The following EPB41L4B variants were observed in gnomAD, a reference collection of about 807,000 sequenced individuals.
The protein encoded by EPB41L4B is erythrocyte membrane protein band 4.1 like 4B.
In EPB41L4B, 30 loss-of-function variants were observed where a neutral mutation model predicts 112.5. The observed-to-expected ratio is 0.27, with a 90% CI of 0.20 to 0.36. The LOEUF (loss-of-function observed/expected upper bound fraction) is 0.36. Among genes scored for constraint, EPB41L4B ranks in the 10% least tolerant of loss-of-function variants. The probability of loss-of-function intolerance (pLI) is 1.00; values close to 1 mark genes in which losing one functional copy is unlikely to be tolerated. For missense variants in EPB41L4B, 1,024 were observed against 1,133.3 expected (o/e 0.90, Z 1.38); for synonymous variants, 408 against 439.7 (o/e 0.93, Z 0.90).
At chr9:109,225,703 TGGGGTA>T (rs1564278281) in intron 15 of EPB41L4B, among the ~76,000 whole-genome samples, 1 of 152,162 alleles carries the variant, frequency 6.6e-6, no homozygotes, top group Non-Finnish European at 1.5e-5. Context: ...CCTTGATACA[TGGGGTA>T]GGGGTGCCCA....
In EPB41L4B at chr9:109,253,480, T is replaced by G; in HGVS notation, c.1240A>C (p.Ser414Arg). The G allele has an allele frequency of 6.2e-7, 1 of 1,614,056 alleles. No homozygotes were observed. Among genetic ancestry groups the G allele is most frequent in the Non-Finnish European group, 8.5e-7 (1 of 1,179,890 alleles). Residue 414 changes from serine to arginine, a missense_variant, in exon 12 of 26, where the codon AGT becomes CGT. Ser to Arg is a moderately radical substitution (Grantham distance 110). Transcript: ENST00000374566. ...TGTCTCCGGGATGGATAACGTTTACTAGGCTTCCTCTCAAAGGTGCTGGTT... is the reference window on the plus strand; with the variant it reads ...TGTCTCCGGGATGGATAACGTTTACGAGGCTTCCTCTCAAAGGTGCTGGTT... Reference protein sequence around the residue: ...RRTSTFERKPSKRYPSRRHST... With the variant: ...RRTSTFERKPRKRYPSRRHST...
intron 15 of EPB41L4B, among the ~76,000 whole-genome samples, chr9:109,222,423 T>C (rs141971899): frequency 4.9e-4 from 74 of 152,292 alleles, no homozygotes; most frequent in Non-Finnish European, 9.1e-4. Flanking sequence ...GCTTCATGGA[T>C]TGTGCCCTGC....
At position 109,194,341 on chromosome 9, in the gene EPB41L4B, G is replaced by A. The variant is rs1832569257; in HGVS notation, c.2102C>T (p.Thr701Ile). The part of the protein sequence containing the change: ...LAEAVGVTTS[T>I]TTNTTTAATQ... The stretch of plus-strand genomic sequence containing the variant: ...GGCGGCCGTTGTGGTGTTTGTGGTT[G>A]TAGATGTGGTCACTCCCACTGCCTC... Residue 701 changes from threonine to isoleucine, a missense_variant, in exon 21 of 26, where the codon ACA (threonine) becomes ATA (isoleucine). Thr to Ile is a moderately conservative substitution (Grantham distance 89). Transcript: ENST00000374566. 1.2e-6 allele frequency: 2 copies of A among 1,614,084 alleles called. No homozygotes were observed. Among genetic ancestry groups the A allele is most frequent in the Non-Finnish European group, 1.7e-6 (2 of 1,180,052 alleles).
At chr9:109,210,864 C>G (rs1356832484) in intron 17 of EPB41L4B, among the ~76,000 whole-genome samples, 1 of 152,048 alleles carries the variant, frequency 6.6e-6, no homozygotes, top group Non-Finnish European at 1.5e-5. Flanking sequence ...TGGAAAGATA[C>G]TTTGTTGTTC....
intron 15 of EPB41L4B, chr9:109,241,296 C>T: frequency 1.0e-6 from 1 of 1,003,540 alleles, no homozygotes; most frequent in Non-Finnish European, 1.2e-6. Context: ...ACTTCTACGA[C>T]AGGAATATAT....
rs138828846 is a variant in EPB41L4B, at chr9:109,282,947, G to T, written c.307-3026C>A. Among the ~76,000 whole-genome samples, 347 of 152,176 alleles carry T rather than the reference G, an allele frequency of 2.3e-3. 5 individuals are homozygous for T. The highest frequency in any genetic ancestry group is 6.9e-4 in the Non-Finnish European group (47 of 68,008). ...TCCGCCCACCTCGGCGTCCCAAAGT[G>T]CTGGGATTACAGGCGTGAGCCACCG... On this transcript the variant is annotated intron_variant, in intron 1 of 25. Coordinates refer to ENST00000374566, the MANE Select transcript of EPB41L4B (RefSeq NM_019114.5).
At chr9:109,266,672 A>G (rs1223608743) in intron 4 of EPB41L4B, among the ~76,000 whole-genome samples, 1 of 152,180 alleles carries the variant, frequency 6.6e-6, no homozygotes, top group Admixed American at 6.5e-5. Flanking sequence ...CAAACAAAAC[A>G]AAAAAGAAAT....
intron 15 of EPB41L4B, among the ~76,000 whole-genome samples, chr9:109,234,399 T>C (rs1357727865): frequency 6.6e-6 from 1 of 152,198 alleles, no homozygotes; most frequent in African/African-American, 2.4e-5. Context: ...TCCATCAATA[T>C]TGATTGGTTA....
chr9:109,280,461 C>A (rs915707640), intron 1 of EPB41L4B, among the ~76,000 whole-genome samples: 7 of 152,218 alleles, frequency 4.6e-5, no homozygotes, highest in Non-Finnish European at 2.9e-5. Context: ...AAGGTTTTGA[C>A]TATGTGGTAT....
intron 15 of EPB41L4B, among the ~76,000 whole-genome samples, chr9:109,217,430 G>A (rs1169030858): frequency 6.6e-6 from 1 of 152,258 alleles, no homozygotes; most frequent in East Asian, 1.9e-4. Context: ...CTCTAAATGA[G>A]AGGAAGAGGT....
intron 14 of EPB41L4B, among the ~76,000 whole-genome samples, chr9:109,245,178 G>T (rs1475723726): frequency 6.6e-6 from 1 of 152,196 alleles, no homozygotes; most frequent in Non-Finnish European, 1.5e-5. Context: ...GAGTTTAGAT[G>T]ATTTGCCCAG....
At chr9:109,217,338 A>G (rs907961607) in intron 15 of EPB41L4B, among the ~76,000 whole-genome samples, 193 bp from the exon 16 acceptor site, 10 of 152,266 alleles carry the variant, frequency 6.6e-5, no homozygotes, top group Non-Finnish European at 1.0e-4. Flanking sequence ...GTTTGTATAT[A>G]TCAGAGACTT....
At position 109,252,673 on chromosome 9, in the gene EPB41L4B, T is replaced by C. The variant is rs138672870; in HGVS notation, c.1279+768A>G. 5.3e-3 allele frequency among the ~76,000 whole-genome samples: 812 copies of C among 152,222 alleles called. 2 individuals are homozygous for C. Among genetic ancestry groups the C allele is most frequent in the Middle Eastern group, 0.02 (6 of 294 alleles). On this transcript the variant is annotated intron_variant, in intron 12 of 25. Transcript: ENST00000374566. ...GCATGGAGTGGCCACAAGGAAATCA[T>C]GTACAGAAGGGGCCAGGAGGCTGGG...
chr9:109,305,791 C>T (rs1461457664), intron 1 of EPB41L4B, among the ~76,000 whole-genome samples: 1 of 151,810 alleles, frequency 6.6e-6, no homozygotes, highest in African/African-American at 2.4e-5. Context: ...GGCATGGTGA[C>T]CCAGTGCCTA....
chr9:109,193,412 CA>C (rs1315173712), intron 21 of EPB41L4B, among the ~76,000 whole-genome samples: 1 of 152,204 alleles, frequency 6.6e-6, no homozygotes, highest in African/African-American at 2.4e-5. Flanking sequence ...CCAGCCAGGG[CA>C]AGATAGCAGA....
rs534012833 is a variant in EPB41L4B, at chr9:109,313,879, T to C, written c.306+6262A>G. On this transcript the variant is annotated intron_variant, in intron 1 of 25. Transcript: ENST00000374566. ...ACTTAAGTTCATCATTTTAAAAACA[T>C]GTTTATATCTGAATATGAAATAAAG... Among the ~76,000 whole-genome samples, 40 of 152,318 alleles carry C rather than the reference T, an allele frequency of 2.6e-4. No homozygotes were observed. The East Asian group carries it at 5.8e-3, about 22-fold the overall frequency.
At chr9:109,182,206 C>T (rs1012101576) in intron 24 of EPB41L4B, among the ~76,000 whole-genome samples, 4 of 152,144 alleles carry the variant, frequency 2.6e-5, no homozygotes, top group Non-Finnish European at 5.9e-5. Context: ...AGATCTCAAT[C>T]CGTCTCAAAA....
At chr9:109,272,127 C>T (rs527785940) in intron 2 of EPB41L4B, among the ~76,000 whole-genome samples, 15 of 152,230 alleles carry the variant, frequency 9.9e-5, no homozygotes, top group African/African-American at 2.6e-4. Flanking sequence ...AAACTCATAA[C>T]GGGATTTCTA....
chr9:109,278,455 C>G (rs1388499544), intron 2 of EPB41L4B, among the ~76,000 whole-genome samples: 1 of 152,176 alleles, frequency 6.6e-6, no homozygotes, highest in Non-Finnish European at 1.5e-5. Context: ...CACTAACATT[C>G]TCCAGCAGAC....
Sources: allele counts gnomAD v4.1 joint callset (sites outside exome capture counted in the v4.1 genomes callset), GRCh38; gene constraint gnomAD v4.1.1; transcripts MANE v1.5; gene names NCBI Gene and HGNC (gene_info 2026-07-23, HGNC 2026-07-21).